SCIN: variants seen among roughly 807,000 people sequenced by gnomAD.
SCIN encodes the protein adseverin.
SCIN carries 91 observed loss-of-function variants against 91.8 expected under a neutral mutation model. The observed-to-expected ratio is 0.99, with a 90% confidence interval of 0.84 to 1.18. The LOEUF (loss-of-function observed/expected upper bound fraction) is 1.18, where lower values mean the gene tolerates loss of function less well. SCIN is among the 50% of genes most tolerant of loss of function. The pLI is 0.00. For missense variants in SCIN, 1,087 were observed against 863.9 expected (o/e 1.26, Z -3.24); for synonymous variants, 367 against 312.6 (o/e 1.17, Z -1.84).
chr7:12,605,091 G>T (rs1049720318), intron 4 of SCIN, among the ~76,000 whole-genome samples: 1 of 151,594 alleles, frequency 6.6e-6, no homozygotes, highest in Non-Finnish European at 1.5e-5. Flanking sequence ...TTGCTCTGTC[G>T]CCCAGGCTGG....
At chr7:12,590,500 T>G (rs1317694826) in intron 3 of SCIN, among the ~76,000 whole-genome samples, 1 of 152,046 alleles carries the variant, frequency 6.6e-6, no homozygotes, top group Non-Finnish European at 1.5e-5. Context: ...TGAAGAGATG[T>G]CAGAATTTCT....
intron 3 of SCIN, among the ~76,000 whole-genome samples, chr7:12,588,615 A>T (rs1782640556): frequency 6.6e-6 from 1 of 151,916 alleles, no homozygotes; most frequent in Non-Finnish European, 1.5e-5. Context: ...ACCTTACCAC[A>T]TATCATCTCG....
In SCIN at chr7:12,656,491, A is replaced by G. The variant is rs940986994; in HGVS notation, c.*3776A>G. On this transcript the variant is annotated 3_prime_UTR_variant, in exon 16 of 16. Transcript: ENST00000297029. ...CCTAATTCATTTGAACTGAACTTGA[A>G]TTTAAAAGCCTACAAATGCCCCGCA... is the stretch of plus-strand genomic sequence containing the variant. 5.3e-5 allele frequency: 8 copies of G among 152,196 alleles called. No homozygotes were observed. Among genetic ancestry groups the G allele is most frequent in the African/African-American group, 1.9e-4 (8 of 41,428 alleles). The allele number at this position is 152,196 out of a possible 1,614,324, so 9.4% of individuals were successfully genotyped here. A position where few individuals can be genotyped will look rare whatever the true frequency, so the allele number is the denominator to read the frequency against.
rs552316613 is a variant in SCIN at position 12,626,873 on chromosome 7, T to C, written c.1197+74T>C. ...TAGGGGGAGGGTGGGGGAGATCACT[T>C]GAGGACAGGAGTTCGAGATCAGCCT... On this transcript the variant is annotated intron_variant, in intron 8 of 15. Transcript: ENST00000297029. The C allele has an allele frequency of 4.6e-6, 6 of 1,311,686 alleles. No individual in the cohort carries two copies. The African/African-American group carries it at 8.8e-5, about 19-fold the overall frequency. The allele number at this position is 1,311,686 out of a possible 1,614,324, so 81.3% of individuals were successfully genotyped here.
At chr7:12,592,754 C>A (rs532349380) in intron 3 of SCIN, among the ~76,000 whole-genome samples, 21 of 152,004 alleles carry the variant, frequency 1.4e-4, no homozygotes, top group Non-Finnish European at 2.4e-4. Flanking sequence ...TGGTGGCAAG[C>A]GGACAAGAGA....
At chr7:12,577,688 C>T in intron 1 of SCIN, 1 of 419,114 alleles carries the variant, frequency 2.4e-6, no homozygotes, top group Non-Finnish European at 4.6e-6. Flanking sequence ...CTTTTCCCTA[C>T]AAAACACTTT....
intron 9 of SCIN, among the ~76,000 whole-genome samples, chr7:12,629,633 C>G (rs932052482): frequency 6.6e-6 from 1 of 152,180 alleles, no homozygotes; most frequent in Non-Finnish European, 1.5e-5. Flanking sequence ...GTAGGAGATA[C>G]AATTTGTGAT....
At chr7:12,649,970 G>A (rs1209267706) in intron 14 of SCIN, among the ~76,000 whole-genome samples, 1 of 152,074 alleles carries the variant, frequency 6.6e-6, no homozygotes, top group Non-Finnish European at 1.5e-5. Flanking sequence ...GAAACAGGCA[G>A]AATAGTTTTG....
rs1784217077 is a variant in SCIN, at chr7:12,659,008, G to A, written c.*6293G>A. The A allele has an allele frequency of 6.6e-6, 1 of 152,134 alleles. No individual in the cohort carries two copies. Among genetic ancestry groups the A allele is most frequent in the Admixed American group, 6.6e-5 (1 of 15,266 alleles). 9.4% of individuals were successfully genotyped at this position (152,134 alleles called of 1,614,324 possible). On this transcript the variant is annotated 3_prime_UTR_variant, in exon 16 of 16. Transcript: ENST00000297029. The stretch of plus-strand genomic sequence containing the variant: ...TCTTGCACTGTCACCCAGGCTGGAG[G>A]ACAGTGGCATGATCTCTGCTCACTG...
intron 4 of SCIN, among the ~76,000 whole-genome samples, chr7:12,617,665 C>T (rs1024512611): frequency 3.3e-5 from 5 of 152,236 alleles, no homozygotes; most frequent in African/African-American, 1.2e-4. Flanking sequence ...CTTGGCAGAC[C>T]TATCCCAATG....
In SCIN at chr7:12,601,697, G is replaced by A. The variant is rs566424919; in HGVS notation, c.517-2817G>A. Among the ~76,000 whole-genome samples the A allele has an allele frequency of 4.2e-4, 64 of 152,170 alleles. 1 individual carries two copies. The South Asian group carries it at 0.012, about 30-fold the overall frequency. On this transcript the variant is annotated intron_variant, in intron 3 of 15. Coordinates refer to ENST00000297029, the MANE Select transcript of SCIN (RefSeq NM_001112706.3). ...GACTTAGATACAGTAAACATTGAAGGCTTTCTTTCTGCATATGCATGCCCT... is the reference window on the plus strand; with the variant it reads ...GACTTAGATACAGTAAACATTGAAGACTTTCTTTCTGCATATGCATGCCCT...
In SCIN at chr7:12,659,533, T is replaced by A. The variant is rs1435613447; in HGVS notation, c.*6818T>A. On this transcript the variant is annotated 3_prime_UTR_variant, in exon 16 of 16. Transcript: ENST00000297029. ...AGCCACCATGATGGCTTTATATTAA[T>A]GAAGGAAATAAGTTGCAGGATAAGT... 6.6e-6 allele frequency: 1 copy of A among 152,200 alleles called. No homozygotes were observed. Among genetic ancestry groups the A allele is most frequent in the African/African-American group, 2.4e-5 (1 of 41,448 alleles). 9.4% of individuals were successfully genotyped at this position (152,200 alleles called of 1,614,324 possible). A position where few individuals can be genotyped will look rare whatever the true frequency, so the allele number is the denominator to read the frequency against.
chr7:12,643,533 A>G (rs1189950173), intron 11 of SCIN, among the ~76,000 whole-genome samples: 1 of 152,086 alleles, frequency 6.6e-6, no homozygotes, highest in Non-Finnish European at 1.5e-5. Flanking sequence ...GAATGTTCCC[A>G]ATTCCTGGAC....
chr7:12,622,928 A>C, intron 5 of SCIN, 35 bp downstream of exon 5: 1 of 1,499,776 alleles, frequency 6.7e-7, no homozygotes, highest in Non-Finnish European at 9.3e-7. Flanking sequence ...TTGTTTCAAC[A>C]GTACTGGATG....
At chr7:12,648,421 C>G (rs1365719351) in intron 13 of SCIN, among the ~76,000 whole-genome samples, 2 of 151,770 alleles carry the variant, frequency 1.3e-5, no homozygotes, top group Non-Finnish European at 2.9e-5. Flanking sequence ...ATCAGCCTCC[C>G]AAGTAGCTGG....
chr7:12,608,176 A>G (rs1739073317), intron 4 of SCIN, among the ~76,000 whole-genome samples: 1 of 152,196 alleles, frequency 6.6e-6, no homozygotes, highest in Admixed American at 6.5e-5. Flanking sequence ...GTATTTTGAT[A>G]TTTTAATAGC....
chr7:12,617,734 A>G (rs1284804958), intron 4 of SCIN, among the ~76,000 whole-genome samples: 1 of 152,130 alleles, frequency 6.6e-6, no homozygotes, highest in Non-Finnish European at 1.5e-5. Context: ...GAATCACATC[A>G]CCAAAGCAGG....
At chr7:12,637,233 C>T (rs1373986784) in intron 10 of SCIN, among the ~76,000 whole-genome samples, 1 of 152,162 alleles carries the variant, frequency 6.6e-6, no homozygotes, top group Non-Finnish European at 1.5e-5. Flanking sequence ...AGAACAAGCA[C>T]AGATTAACAA....
intron 14 of SCIN, 45 bp downstream of exon 14, chr7:12,649,589 G>A: frequency 7.6e-7 from 1 of 1,322,610 alleles, no homozygotes; most frequent in Non-Finnish European, 1.1e-6. Flanking sequence ...ATTTTTGGTT[G>A]GGAGATGACA....
Sources: allele counts gnomAD v4.1 joint callset (sites outside exome capture counted in the v4.1 genomes callset), GRCh38; gene constraint gnomAD v4.1.1; transcripts MANE v1.5; gene names NCBI Gene and HGNC (gene_info 2026-07-23, HGNC 2026-07-21).